The following TMEM87B variants were observed in gnomAD, a reference collection of about 807,000 sequenced individuals.
The protein encoded by TMEM87B is transmembrane protein 87B.
Under a neutral mutation model 80.3 loss-of-function variants are expected in TMEM87B, and 83 were observed. The observed-to-expected ratio is 1.03, with a 90% CI of 0.87 to 1.24. The LOEUF (loss-of-function observed/expected upper bound fraction) is 1.24. TMEM87B is among the 50% of genes most tolerant of loss of function. The pLI is 0.00. For synonymous variants in TMEM87B, 219 were observed against 230.5 expected, an observed-to-expected ratio of 0.95 and a Z score of 0.45; for missense variants, 625 against 674.4, an observed-to-expected ratio of 0.93 and a Z score of 0.81.
intron 14 of TMEM87B, among the ~76,000 whole-genome samples, chr2:112,100,245 C>A (rs1489880541): frequency 2.0e-5 from 3 of 152,182 alleles, no homozygotes; most frequent in Non-Finnish European, 4.4e-5. Flanking sequence ...ATTCAGTGGG[C>A]TTTATTTTCA....
At chr2:112,105,303 A>G (rs1333597703) in intron 15 of TMEM87B, among the ~76,000 whole-genome samples, 2 of 152,300 alleles carry the variant, frequency 1.3e-5, no homozygotes, top group South Asian at 2.1e-4. Context: ...TGGAGAAGCA[A>G]TATTTGCAAA....
At position 112,059,970 on chromosome 2, in the gene TMEM87B, A is replaced by G. The variant is rs774962077; in HGVS notation, c.166-7A>G. 2.5e-6 allele frequency: 4 copies of G among 1,593,324 alleles called. No homozygotes were observed. The South Asian group carries it at 3.3e-5, about 13-fold the overall frequency. The stretch of plus-strand genomic sequence containing the variant: ...CAAGATCTTCCTGTGTTTGTTTTTC[A>G]TTTTAGAAATCAGGACCTTTGATAT... On this transcript the variant is annotated splice_polypyrimidine_tract_variant and splice_region_variant and intron_variant, in intron 1 of 18. Transcript: ENST00000283206.
chr2:112,102,235 C>CA (rs1679650244), intron 15 of TMEM87B, among the ~76,000 whole-genome samples: 1 of 152,000 alleles, frequency 6.6e-6, no homozygotes, highest in African/African-American at 2.4e-5. Context: ...ACTTATAGAC[C>CA]AATATATCAT....
chr2:112,096,095 C>T (rs1679459330), intron 11 of TMEM87B, among the ~76,000 whole-genome samples: 1 of 151,994 alleles, frequency 6.6e-6, no homozygotes, highest in Non-Finnish European at 1.5e-5. Flanking sequence ...AGGTAAGACT[C>T]CTGGAGGCCC....
intron 2 of TMEM87B, among the ~76,000 whole-genome samples, chr2:112,063,264 TCTAATCACTCACTCTG>T (rs1678311545): frequency 6.6e-6 from 1 of 152,252 alleles, no homozygotes; most frequent in African/African-American, 2.4e-5. Context: ...CTTTGCTCTC[TCTAATCACTCACTCTG>T]GGGTAAGCCA....
intron 18 of TMEM87B, among the ~76,000 whole-genome samples, chr2:112,115,859 C>T (rs1386887474): frequency 6.6e-6 from 1 of 152,178 alleles, no homozygotes; most frequent in African/African-American, 2.4e-5. Context: ...CGGTCTCGAA[C>T]TCCTAGCGTC....
chr2:112,088,598 C>T (rs1427733718), intron 9 of TMEM87B, among the ~76,000 whole-genome samples: 1 of 152,026 alleles, frequency 6.6e-6, no homozygotes, highest in East Asian at 1.9e-4. Context: ...TCTAATTACT[C>T]TGAGAGGAGG....
intron 15 of TMEM87B, among the ~76,000 whole-genome samples, chr2:112,101,422 G>T (rs189461112): frequency 2.0e-5 from 3 of 152,148 alleles, no homozygotes; most frequent in East Asian, 1.9e-4. Flanking sequence ...CAGAAATAAA[G>T]AAAAAACTAC....
chr2:112,079,685 A>G (rs1678927013), intron 6 of TMEM87B, among the ~76,000 whole-genome samples: 1 of 152,126 alleles, frequency 6.6e-6, no homozygotes, highest in South Asian at 2.1e-4. Flanking sequence ...AGGACCTTCC[A>G]TACTGTTTTT....
At chr2:112,109,777 T>C (rs1679864437) in intron 17 of TMEM87B, among the ~76,000 whole-genome samples, 1 of 148,532 alleles carries the variant, frequency 6.7e-6, no homozygotes, top group South Asian at 2.1e-4. Flanking sequence ...TTTTTTTTTT[T>C]TTGAGACGGA....
intron 1 of TMEM87B, among the ~76,000 whole-genome samples, chr2:112,056,795 A>C (rs1227072778): frequency 6.6e-6 from 1 of 152,214 alleles, no homozygotes; most frequent in Non-Finnish European, 1.5e-5. Flanking sequence ...CATTTCCTCC[A>C]GGATTGGATT....
At chr2:112,057,713 C>T (rs6760032) in intron 1 of TMEM87B, among the ~76,000 whole-genome samples, 37 of 152,054 alleles carry the variant, frequency 2.4e-4, no homozygotes, top group Non-Finnish European at 1.0e-4. Flanking sequence ...CACAATAATA[C>T]GGATAACAGA....
intron 9 of TMEM87B, among the ~76,000 whole-genome samples, chr2:112,086,850 C>G (rs956201919): frequency 6.6e-6 from 1 of 152,124 alleles, no homozygotes; most frequent in Non-Finnish European, 1.5e-5. Context: ...CCTCACCTCC[C>G]CACCTCTCCT....
intron 9 of TMEM87B, among the ~76,000 whole-genome samples, chr2:112,087,762 T>C (rs1413252841): frequency 6.6e-6 from 1 of 152,192 alleles, no homozygotes; most frequent in African/African-American, 2.4e-5. Context: ...CTTTCCCCTG[T>C]GCAGCATAAC....
intron 5 of TMEM87B, among the ~76,000 whole-genome samples, chr2:112,076,905 A>G (rs1678839227): frequency 7.1e-6 from 1 of 141,560 alleles, no homozygotes; most frequent in African/African-American, 2.5e-5. Context: ...TGTGTGTTTA[A>G]AAGAAACCCA....
intron 15 of TMEM87B, among the ~76,000 whole-genome samples, chr2:112,101,110 T>G (rs1679617361): frequency 6.6e-6 from 1 of 152,218 alleles, no homozygotes; most frequent in Admixed American, 6.5e-5. Context: ...TTTTCATTCT[T>G]TCTGTTATTT....
At chr2:112,085,133 T>C (rs562831262) in intron 8 of TMEM87B, among the ~76,000 whole-genome samples, 4 of 152,364 alleles carry the variant, frequency 2.6e-5, no homozygotes, top group East Asian at 1.9e-4. Flanking sequence ...TTTATTGTTA[T>C]TGACTTCCCA....
chr2:112,064,843 G>A (rs934759866), intron 3 of TMEM87B, among the ~76,000 whole-genome samples: 5 of 152,112 alleles, frequency 3.3e-5, no homozygotes, highest in African/African-American at 1.2e-4. Flanking sequence ...CAGATTCTCT[G>A]TTACCTGTTT....
At chr2:112,086,346 T>G (rs1411749809) in intron 9 of TMEM87B, among the ~76,000 whole-genome samples, 1 of 152,268 alleles carries the variant, frequency 6.6e-6, no homozygotes, top group East Asian at 1.9e-4. Flanking sequence ...TAATCAACTT[T>G]AAGGATAATG....
Sources: gnomAD v4.1 joint callset for allele counts (sites outside exome capture counted in the v4.1 genomes callset) on GRCh38, gnomAD v4.1.1 for gene constraint, MANE v1.5 for transcripts, NCBI Gene and HGNC (gene_info 2026-07-23, HGNC 2026-07-21) for gene names.